The following MAST4 variants were observed in gnomAD, a reference collection of about 807,000 sequenced individuals.
MAST4 encodes the protein microtubule associated serine/threonine kinase family member 4, also known as microtubule-associated serine/threonine-protein kinase 4.
A neutral mutation model predicts 162.7 loss-of-function variants in MAST4; 89 were observed. The observed-to-expected ratio is 0.55, with a 90% CI of 0.46 to 0.65. MAST4 has a LOEUF of 0.65. Ranked by LOEUF, MAST4 falls within the 30% of genes least tolerant of loss-of-function variation. MAST4 has a pLI of 0.00. For synonymous variants in MAST4, 1,479 were observed against 1,361.1 expected, an observed-to-expected ratio of 1.09 and a Z score of -1.91; for missense variants, 3,153 against 3,374.0, an observed-to-expected ratio of 0.93 and a Z score of 1.62.
In MAST4 at chr5:67,135,146, A is replaced by G. The variant is rs192017829; in HGVS notation, c.2392+458A>G. ...AAACCCTAAAACAAATGTCTACCAA[A>G]TAATAAATAATGAGAATGGGAAAGA... On this transcript the variant is annotated intron_variant, in intron 18 of 28. Coordinates refer to ENST00000403625, the MANE Select transcript of MAST4 (RefSeq NM_001164664.2). Among the ~76,000 whole-genome samples the G allele has an allele frequency of 1.9e-4, 29 of 152,352 alleles. No homozygotes were observed. In the East Asian group the frequency reaches 5.6e-3, roughly 29 times the overall value.
intron 4 of MAST4, chr5:67,005,101 T>A (rs758456306): frequency 7.9e-5 from 59 of 745,232 alleles, no homozygotes; most frequent in Non-Finnish European, 1.3e-4. Flanking sequence ...AACGCGGGGA[T>A]CTCTGCCTGG....
At chr5:66,739,297 G>A (rs1019796205) in intron 1 of MAST4, among the ~76,000 whole-genome samples, 3 of 152,076 alleles carry the variant, frequency 2.0e-5, no homozygotes, top group East Asian at 3.9e-4. Flanking sequence ...TTGTTTAGTC[G>A]CATCTTTCTT....
chr5:67,024,082 C>T (rs1168424851), intron 4 of MAST4, among the ~76,000 whole-genome samples: 1 of 149,304 alleles, frequency 6.7e-6, no homozygotes, highest in African/African-American at 2.5e-5. Flanking sequence ...CAACCCCTGG[C>T]CACCCCCATT....
At chr5:66,706,871 A>G (rs1310439888) in intron 1 of MAST4, among the ~76,000 whole-genome samples, 5 of 152,208 alleles carry the variant, frequency 3.3e-5, no homozygotes, top group Admixed American at 3.3e-4. Flanking sequence ...TAGAATGTTT[A>G]ATAATAATAA....
intron 3 of MAST4, among the ~76,000 whole-genome samples, chr5:66,846,386 G>A (rs1758857852): frequency 6.6e-6 from 1 of 152,190 alleles, no homozygotes; most frequent in African/African-American, 2.4e-5. Flanking sequence ...CAATAGCCTT[G>A]AGGAGCTAAA....
intron 4 of MAST4, among the ~76,000 whole-genome samples, chr5:66,933,972 A>C (rs1009909084): frequency 6.6e-6 from 1 of 152,120 alleles, no homozygotes; most frequent in African/African-American, 2.4e-5. Flanking sequence ...GATTACAGGC[A>C]TGAGCCACCA....
At chr5:66,607,865 A>G (rs938911155) in intron 1 of MAST4, among the ~76,000 whole-genome samples, 1 of 152,030 alleles carries the variant, frequency 6.6e-6, no homozygotes, top group Admixed American at 6.6e-5. Context: ...TTTCTTTTTG[A>G]CGGACTTGAT....
intron 1 of MAST4, among the ~76,000 whole-genome samples, chr5:66,756,999 A>T (rs1045141843): frequency 6.6e-6 from 1 of 152,162 alleles, no homozygotes; most frequent in Non-Finnish European, 1.5e-5. Context: ...TATATGTGCG[A>T]TATGTGATGA....
In MAST4 at chr5:66,811,137, C is replaced by T. The variant is rs542580681; in HGVS notation, c.642+22343C>T. ...CATGTTGGCCTCTCCTGTGCGGCCA[C>T]CTGGGCTCCCTCACAGTTGGCCTCT... On this transcript the variant is annotated intron_variant, in intron 3 of 28. Transcript: ENST00000403625. 4.6e-5 allele frequency among the ~76,000 whole-genome samples: 7 copies of T among 152,252 alleles called. No homozygotes were observed. In the East Asian group the frequency reaches 1.2e-3, roughly 25 times the overall value.
intron 2 of MAST4, among the ~76,000 whole-genome samples, chr5:66,784,360 A>G (rs755322125): frequency 3.3e-5 from 5 of 152,152 alleles, no homozygotes; most frequent in Non-Finnish European, 7.3e-5. Context: ...CCTATCAGCC[A>G]GCTTTATCAA....
At chr5:67,118,572 A>C in intron 12 of MAST4, 110 bp from the exon 13 acceptor site, 1 of 681,508 alleles carries the variant, frequency 1.5e-6, no homozygotes, top group Non-Finnish European at 2.5e-6. Context: ...ATTGGAGTAT[A>C]GAGCAATTTT....
chr5:67,025,551 G>C (rs2662225), intron 4 of MAST4, among the ~76,000 whole-genome samples: 66,822 of 152,032 alleles, frequency 0.44, 15,427 homozygotes, highest in African/African-American at 0.56. Flanking sequence ...TCTCCAGTGG[G>C]TTAAACACTA....
rs1561200112 is a variant in MAST4, at chr5:67,163,873, C to T, written c.4694C>T (p.Ala1565Val). Residue 1565 changes from alanine (A) to valine (V), a missense_variant, in exon 29 of 29, where the codon GCT becomes GTT. Transcript: ENST00000403625. The surrounding 1 kb of genome is among the most constrained non-coding windows in gnomAD (Gnocchi z 7.0). ...HGPGSDLENF[A>V]LFKLEEREKK... ...CCCGGGAGTGATTTGGAAAACTTTG[C>T]TCTGTTTAAGCTGGAAGAGAGAGAG... 2 of 1,613,976 alleles carry T rather than the reference C, an allele frequency of 1.2e-6. No individual in the cohort carries two copies. The highest frequency in any genetic ancestry group is 2.2e-5 in the East Asian group (1 of 44,884).
chr5:66,741,167 C>G (rs1208645300), intron 1 of MAST4, among the ~76,000 whole-genome samples: 2 of 152,166 alleles, frequency 1.3e-5, no homozygotes, highest in African/African-American at 2.4e-5. Context: ...CAGCTCACCC[C>G]CTTCCTTCCT....
intron 4 of MAST4, among the ~76,000 whole-genome samples, chr5:66,952,361 G>A (rs1302254719): frequency 3.3e-5 from 5 of 151,924 alleles, no homozygotes; most frequent in Non-Finnish European, 5.9e-5. Context: ...CATACAGATA[G>A]CCTCATATTT....
intron 1 of MAST4, among the ~76,000 whole-genome samples, chr5:66,671,614 G>A (rs1030779395): frequency 1.3e-5 from 2 of 151,984 alleles, no homozygotes; most frequent in African/African-American, 2.4e-5. Flanking sequence ...CATAAAATAC[G>A]GTTTTGCCTT....
intron 3 of MAST4, among the ~76,000 whole-genome samples, chr5:66,880,275 G>T (rs1466228259): frequency 6.6e-6 from 1 of 152,152 alleles, no homozygotes; most frequent in East Asian, 1.9e-4. Flanking sequence ...CTCATATTTT[G>T]CTCATAAATT....
chr5:67,059,041 G>A (rs150447878), intron 5 of MAST4, among the ~76,000 whole-genome samples: 47 of 152,304 alleles, frequency 3.1e-4, no homozygotes, highest in Non-Finnish European at 5.6e-4. Context: ...GGTGTTGGTT[G>A]AGCTGGGCTC....
intron 1 of MAST4, among the ~76,000 whole-genome samples, chr5:66,613,920 C>CA (rs1393172864): frequency 2.8e-5 from 4 of 145,256 alleles, no homozygotes; most frequent in African/African-American, 5.3e-5. Context: ...TAGTGGATGC[C>CA]AGTCATGGTT....
Sources: gnomAD v4.1 joint callset for allele counts (sites outside exome capture counted in the v4.1 genomes callset) on GRCh38, gnomAD v4.1.1 for gene constraint, Gnocchi (gnomAD v3.1) non-coding constraint, MANE v1.5 for transcripts, NCBI Gene and HGNC (gene_info 2026-07-23, HGNC 2026-07-21) for gene names.